Variants in BNC2 observed in about 807,000 individuals in gnomAD.
BNC2 encodes the protein basonuclin zinc finger protein 2, also known as zinc finger protein basonuclin-2.
In BNC2, 20 loss-of-function variants were observed where a neutral mutation model predicts 76.3. The observed-to-expected ratio is 0.26, with a 90% confidence interval of 0.18 to 0.38. BNC2 has a LOEUF of 0.38. Ranked by LOEUF, BNC2 falls within the 10% of genes least tolerant of loss-of-function variation. The probability of loss-of-function intolerance (pLI) is 1.00; values close to 1 mark genes in which losing one functional copy is unlikely to be tolerated. For synonymous variants in BNC2, 582 were observed against 514.8 expected (o/e 1.13, Z -1.77); for missense variants, 1,382 against 1,399.8 (o/e 0.99, Z 0.20).
chr9:16,471,755 G>C (rs908182469), intron 5 of BNC2, among the ~76,000 whole-genome samples: 9 of 152,264 alleles, frequency 5.9e-5, no homozygotes, highest in Non-Finnish European at 1.3e-4. Flanking sequence ...ATAAGATTTG[G>C]AGGGGCCAGG....
At chr9:16,551,917 G>C (rs1818674793) in intron 5 of BNC2, among the ~76,000 whole-genome samples, 1 of 152,182 alleles carries the variant, frequency 6.6e-6, no homozygotes, top group Admixed American at 6.5e-5. Context: ...AGACACTCAA[G>C]GCTGGAAGAA....
intron 3 of BNC2, among the ~76,000 whole-genome samples, chr9:16,652,291 A>G (rs1272549779): frequency 6.6e-6 from 1 of 152,202 alleles, no homozygotes; most frequent in African/African-American, 2.4e-5. Context: ...GCAAAACTCA[A>G]TACTACACAG....
At chr9:16,780,109 G>T (rs1216645063) in intron 1 of BNC2, among the ~76,000 whole-genome samples, 1 of 151,500 alleles carries the variant, frequency 6.6e-6, no homozygotes, top group African/African-American at 2.4e-5. Context: ...GGTGGCGGGT[G>T]CCTGTAGTCC....
chr9:16,719,339 G>A (rs753340087), intron 3 of BNC2, among the ~76,000 whole-genome samples: 7 of 152,034 alleles, frequency 4.6e-5, no homozygotes, highest in Non-Finnish European at 7.4e-5. Context: ...AAATGTTAAT[G>A]GAAAGGGAAA....
intron 4 of BNC2, among the ~76,000 whole-genome samples, chr9:16,573,846 A>C (rs1392603575): frequency 6.6e-6 from 1 of 152,218 alleles, no homozygotes; most frequent in Non-Finnish European, 1.5e-5. Flanking sequence ...GAACCTTTTG[A>C]AGATATATAA....
intron 1 of BNC2, among the ~76,000 whole-genome samples, chr9:16,765,506 T>C (rs183189279): frequency 6.6e-6 from 1 of 152,286 alleles, no homozygotes; most frequent in African/African-American, 2.4e-5. Flanking sequence ...ATAGAAATAT[T>C]TGACTTTAGA....
chr9:16,719,850 A>G (rs755432371), intron 3 of BNC2, among the ~76,000 whole-genome samples: 2 of 152,208 alleles, frequency 1.3e-5, no homozygotes, highest in African/African-American at 2.4e-5. Context: ...TACTAGCTGC[A>G]GTTTGTCTGA....
chr9:16,842,611 G>A (rs954718476), intron 1 of BNC2, among the ~76,000 whole-genome samples: 6 of 152,104 alleles, frequency 3.9e-5, no homozygotes, highest in Non-Finnish European at 8.8e-5. Context: ...CTATACACTT[G>A]AAAATGGTGA....
At chr9:16,628,555 A>G (rs1821065445) in intron 3 of BNC2, among the ~76,000 whole-genome samples, 2 of 151,848 alleles carry the variant, frequency 1.3e-5, no homozygotes, top group African/African-American at 4.8e-5. Context: ...GGTGGGAAAC[A>G]GGGGGAGGAA....
intron 3 of BNC2, among the ~76,000 whole-genome samples, chr9:16,663,699 T>C (rs1165773204): frequency 3.3e-5 from 5 of 152,172 alleles, no homozygotes; most frequent in Admixed American, 2.0e-4. Flanking sequence ...TAATGTCCAA[T>C]AGCGTCAATT....
chr9:16,557,858 GTTGT>G (rs1019814529), intron 4 of BNC2, among the ~76,000 whole-genome samples: 7 of 150,328 alleles, frequency 4.7e-5, no homozygotes, highest in Non-Finnish European at 1.0e-4. Context: ...TTTTTTTGTT[GTTGT>G]TTGTTTGTTT....
chr9:16,724,895 A>G (rs1050487748), intron 3 of BNC2, among the ~76,000 whole-genome samples: 3 of 152,148 alleles, frequency 2.0e-5, no homozygotes, highest in African/African-American at 7.2e-5. Context: ...CCTACTAGTC[A>G]GAGTTTTCAA....
At chr9:16,447,631 T>C (rs950519220) in intron 5 of BNC2, among the ~76,000 whole-genome samples, 1 of 152,182 alleles carries the variant, frequency 6.6e-6, no homozygotes, top group Non-Finnish European at 1.5e-5. Context: ...ACTAATTCTT[T>C]TGGATTAATT....
chr9:16,563,078 C>G (rs928361955), intron 4 of BNC2, among the ~76,000 whole-genome samples: 8 of 152,098 alleles, frequency 5.3e-5, no homozygotes, highest in African/African-American at 1.7e-4. Context: ...AAAATTAAGT[C>G]AAATTTGTCA....
At chr9:16,430,724 G>A (rs1378036546) in intron 6 of BNC2, among the ~76,000 whole-genome samples, 1 of 152,146 alleles carries the variant, frequency 6.6e-6, no homozygotes, top group Non-Finnish European at 1.5e-5. Flanking sequence ...TTTAGCTACC[G>A]CTAACCCAGA....
intron 5 of BNC2, among the ~76,000 whole-genome samples, chr9:16,536,703 A>C (rs981690945): frequency 3.3e-5 from 5 of 152,176 alleles, no homozygotes; most frequent in African/African-American, 1.2e-4. Flanking sequence ...ACTTTAAATG[A>C]AAAGAGAAAA....
rs1491324153 is a variant in BNC2, at chr9:16,847,399, GGC to G, written c.3+23245_3+23246del. On this transcript the variant is annotated intron_variant, in intron 1 of 6. Coordinates refer to ENST00000380672, the MANE Select transcript of BNC2 (RefSeq NM_017637.6). ...AAACATCTCTCTGAAGATTTCTCGG[GGC>G]GGGGGGGGGGGGGCGGCGGGCAACA... is the stretch of plus-strand genomic sequence containing the variant. Among the ~76,000 whole-genome samples the G allele has an allele frequency of 1.2e-3, 42 of 35,318 alleles. 3 individuals are homozygous for G. The highest frequency in any genetic ancestry group is 2.7e-3 in the Non-Finnish European group (27 of 9,996). The allele number at this position is 35,318 out of a possible 152,430, so 23.2% of individuals were successfully genotyped here.
Position 16,513,202 on chromosome 9 carries a change from G to C in BNC2, c.669+39328C>G, listed in dbSNP as rs568606106. 3.3e-5 allele frequency among the ~76,000 whole-genome samples: 5 copies of C among 151,278 alleles called. No homozygotes were observed. The East Asian group carries it at 7.8e-4, about 23-fold the overall frequency. On this transcript the variant is annotated intron_variant, in intron 5 of 6. Transcript: ENST00000380672. ...AGTGTTCATGCAAATGAAAGGTATA[G>C]AATGTTATTTATTACTATTTTCCCC...
chr9:16,419,270 C>G lies in BNC2; in HGVS notation c.3019G>C (p.Glu1007Gln), dbSNP rs552303945. 13 of 1,614,060 alleles carry G rather than the reference C, an allele frequency of 8.1e-6. No homozygotes were observed. The highest frequency in any genetic ancestry group is 1.3e-5 in the African/African-American group (1 of 74,938). ...AGGCTGCCAGGGAGGGCAGGGGCCT[C>G]GGCCTTGTGTGCCGACTCCCCACTG... is the stretch of plus-strand genomic sequence containing the variant. ...SDSGESAHKA[E>Q]APALPGSLGA... Residue 1007 changes from glutamate to glutamine, a missense_variant, in exon 7 of 7, where the codon GAG (glutamate) becomes CAG (glutamine). Physicochemically the swap from Glu to Gln is conservative, Grantham distance 29. Around this residue, in one of 3 missense-constraint regions of BNC2, gnomAD observed 798 missense variants for 775.5 expected, o/e 1.03. Coordinates refer to ENST00000380672, the MANE Select transcript of BNC2 (RefSeq NM_017637.6).
Sources: gnomAD v4.1 joint callset for allele counts (sites outside exome capture counted in the v4.1 genomes callset) on GRCh38, gnomAD v4.1.1 for gene constraint, gnomAD v4.1.1 regional missense constraint, MANE v1.5 for transcripts, NCBI Gene and HGNC (gene_info 2026-07-23, HGNC 2026-07-21) for gene names.